SEMA5B: variants seen among roughly 807,000 people sequenced by gnomAD.
The protein encoded by SEMA5B is semaphorin 5B.
SEMA5B carries 66 observed loss-of-function variants against 135.0 expected under a neutral mutation model. That is an observed-to-expected ratio of 0.49 (90% CI 0.40 to 0.60). The LOEUF (loss-of-function observed/expected upper bound fraction) is 0.60, where lower values mean the gene tolerates loss of function less well. Ranked by LOEUF, SEMA5B falls within the 20% of genes least tolerant of loss-of-function variation. The pLI is 0.00. For missense variants in SEMA5B, 1,501 were observed against 1,566.3 expected (o/e 0.96, Z 0.70); for synonymous variants, 690 against 639.5 (o/e 1.08, Z -1.19).
chr3:122,921,828 G>C (rs1463631614), intron 12 of SEMA5B, 87 bp downstream of exon 12: 1 of 1,168,986 alleles, frequency 8.6e-7, no homozygotes, highest in Non-Finnish European at 1.2e-6. Context: ...TGCAGGGACC[G>C]ACCCCAGGTC....
At position 122,938,577 on chromosome 3, in the gene SEMA5B, GGTTAGTC is replaced by G. The variant is rs1477541045; in HGVS notation, c.474+841_474+847del. ...ATGATTAAGTTCTAACTTCTGATTA[GGTTAGTC>G]ACTCATCATGTTTTCCTGAAGGCCA... is the stretch of plus-strand genomic sequence containing the variant. On this transcript the variant is annotated intron_variant, in intron 5 of 22. Transcript: ENST00000357599. Among the ~76,000 whole-genome samples, 7 of 152,340 alleles carry G rather than the reference GGTTAGTC, an allele frequency of 4.6e-5. No individual in the cohort carries two copies. In the East Asian group the frequency reaches 1.2e-3, roughly 25 times the overall value.
intron 1 of SEMA5B, among the ~76,000 whole-genome samples, chr3:123,024,000 C>A (rs774823106): frequency 6.6e-6 from 1 of 152,164 alleles, no homozygotes; most frequent in Non-Finnish European, 1.5e-5. Context: ...GGTGGGGCAC[C>A]AGAACTCAGC....
rs565388359 is a variant in SEMA5B, at chr3:123,017,242, G to T, written c.-39+10222C>A. ...CCAAGTTTGGTTGAATCCTCACATG[G>T]ATTCCACAGATACAGAGGGCTGACT... On this transcript the variant is annotated intron_variant, in intron 1 of 22. Coordinates refer to ENST00000357599, the MANE Select transcript of SEMA5B (RefSeq NM_001031702.4). 3.9e-5 allele frequency among the ~76,000 whole-genome samples: 6 copies of T among 151,942 alleles called. No individual in the cohort carries two copies. In the East Asian group the frequency reaches 1.2e-3, roughly 29 times the overall value.
chr3:122,934,195 C>T (rs1314545615), intron 5 of SEMA5B, among the ~76,000 whole-genome samples: 2 of 151,728 alleles, frequency 1.3e-5, no homozygotes, highest in African/African-American at 4.8e-5. Context: ...GCGTGAGCCA[C>T]CGTGCCCGGC....
chr3:122,926,810 CT>C, intron 8 of SEMA5B, 133 bp from the exon 9 acceptor site: 1 of 984,458 alleles, frequency 1.0e-6, no homozygotes, highest in Non-Finnish European at 1.5e-6. Context: ...TCTTGGTGAC[CT>C]GGGGGCCCTA....
chr3:122,973,314 G>A (rs1941195788), intron 1 of SEMA5B, among the ~76,000 whole-genome samples: 2 of 152,212 alleles, frequency 1.3e-5, no homozygotes, highest in Admixed American at 1.3e-4. Flanking sequence ...AGGAGAGGCA[G>A]CCAATGAGCT....
chr3:122,935,288 C>A (rs766227113), intron 5 of SEMA5B, among the ~76,000 whole-genome samples: 32 of 151,924 alleles, frequency 2.1e-4, no homozygotes, highest in Non-Finnish European at 3.4e-4. Context: ...GCAAAGACTC[C>A]CTTAGTCTCC....
chr3:123,011,910 C>T (rs1269221601), intron 1 of SEMA5B, among the ~76,000 whole-genome samples: 1 of 152,196 alleles, frequency 6.6e-6, no homozygotes, highest in Non-Finnish European at 1.5e-5. Flanking sequence ...AACAACATCC[C>T]TGCAGGAAAC....
chr3:122,996,909 G>A (rs533771543), intron 1 of SEMA5B, among the ~76,000 whole-genome samples: 1 of 152,284 alleles, frequency 6.6e-6, no homozygotes, highest in African/African-American at 2.4e-5. Flanking sequence ...CCTGGAAGGG[G>A]TGCAAACAGC....
intron 5 of SEMA5B, among the ~76,000 whole-genome samples, chr3:122,937,562 G>A (rs1364426051): frequency 6.6e-6 from 1 of 152,164 alleles, no homozygotes; most frequent in East Asian, 1.9e-4. Context: ...GAGACATGCT[G>A]GGAAAGGTGG....
chr3:123,003,407 A>G (rs1037447023), intron 1 of SEMA5B, among the ~76,000 whole-genome samples: 1 of 152,154 alleles, frequency 6.6e-6, no homozygotes, highest in Non-Finnish European at 1.5e-5. Flanking sequence ...CAAAGAAAAT[A>G]GAATAATTCA....
intron 1 of SEMA5B, among the ~76,000 whole-genome samples, chr3:122,976,481 G>C (rs1941324570): frequency 6.6e-6 from 1 of 152,192 alleles, no homozygotes; most frequent in Non-Finnish European, 1.5e-5. Flanking sequence ...CACCTGCAGA[G>C]ATTCTGATTT....
At chr3:122,994,689 C>T (rs1941984298) in intron 1 of SEMA5B, among the ~76,000 whole-genome samples, 1 of 152,100 alleles carries the variant, frequency 6.6e-6, no homozygotes, top group South Asian at 2.1e-4. Context: ...TGCCTTGGCT[C>T]AGGGGTTAGG....
At chr3:122,972,843 G>A (rs2107650484) in intron 1 of SEMA5B, among the ~76,000 whole-genome samples, 1 of 152,328 alleles carries the variant, frequency 6.6e-6, no homozygotes, top group East Asian at 1.9e-4. Flanking sequence ...GGCCCTGAGA[G>A]CAGCTACAGA....
chr3:122,957,473 C>T (rs936586915), intron 2 of SEMA5B, among the ~76,000 whole-genome samples: 6 of 152,222 alleles, frequency 3.9e-5, no homozygotes, highest in African/African-American at 1.2e-4. Context: ...ACTCATACTG[C>T]GGCCGACAAG....
At chr3:122,964,808 G>A (rs901379244) in intron 1 of SEMA5B, among the ~76,000 whole-genome samples, 3 of 152,254 alleles carry the variant, frequency 2.0e-5, no homozygotes, top group Non-Finnish European at 4.4e-5. Context: ...AGACAGAGAA[G>A]AGAAGGCTGC....
chr3:122,944,977 A>G (rs111382473), intron 3 of SEMA5B, among the ~76,000 whole-genome samples: 144 of 152,076 alleles, frequency 9.5e-4, no homozygotes, highest in African/African-American at 3.3e-3. Flanking sequence ...CAGAAGGGCC[A>G]GGAGAGAGAG....
chr3:122,991,440 A>C (rs929477150), intron 1 of SEMA5B, among the ~76,000 whole-genome samples: 2 of 152,120 alleles, frequency 1.3e-5, no homozygotes, highest in Admixed American at 1.3e-4. Context: ...TAATGTCTGG[A>C]GGCATTTTGG....
chr3:122,962,037 A>G (rs1940605994), intron 1 of SEMA5B, among the ~76,000 whole-genome samples: 1 of 152,158 alleles, frequency 6.6e-6, no homozygotes, highest in Admixed American at 6.5e-5. Context: ...ACTTTTAAGG[A>G]TCCCTGTGAT....
Sources: allele counts gnomAD v4.1 joint callset (sites outside exome capture counted in the v4.1 genomes callset), GRCh38; gene constraint gnomAD v4.1.1; transcripts MANE v1.5; gene names NCBI Gene and HGNC (gene_info 2026-07-23, HGNC 2026-07-21).